Variants in FGF18 observed in about 807,000 individuals in gnomAD.
FGF18 encodes fibroblast growth factor 18.
FGF18 carries 5 observed loss-of-function variants against 23.0 expected under a neutral mutation model. The ratio of observed to expected loss-of-function variants is 0.22; its 90% CI spans 0.11 to 0.46. FGF18 has a LOEUF of 0.46. Ranked by LOEUF, FGF18 falls within the 20% of genes least tolerant of loss-of-function variation. The pLI, the probability that FGF18 is intolerant of heterozygous loss-of-function variation, is 0.99. For synonymous variants in FGF18, 117 were observed against 118.9 expected (o/e 0.98, Z 0.10); for missense variants, 180 against 291.6 (o/e 0.62, Z 2.79).
chr5:171,436,278 G>A lies in FGF18; in HGVS notation c.250+5G>A. The A allele has an allele frequency of 6.4e-7, 1 of 1,551,850 alleles. No homozygotes were observed. Among genetic ancestry groups the A allele is most frequent in the Non-Finnish European group, 8.7e-7 (1 of 1,144,328 alleles). On this transcript the variant is annotated splice_donor_5th_base_variant and intron_variant, in intron 3 of 4. Coordinates refer to ENST00000274625, the MANE Select transcript of FGF18 (RefSeq NM_003862.3). The surrounding 1 kb of genome is among the most constrained non-coding windows in gnomAD (Gnocchi z 4.4). ...GCGAGGATGGGGACAAGTATGGTAT[G>A]TGCCAACCCTCTCCTCCTACTCCGT...
chr5:171,437,847 G>A (rs912636193), intron 3 of FGF18, among the ~76,000 whole-genome samples: 5 of 152,126 alleles, frequency 3.3e-5, no homozygotes, highest in African/African-American at 4.8e-5. Flanking sequence ...GAGTACAGGG[G>A]GGTCAGACTC....
rs183808428 is a variant in FGF18, at chr5:171,445,520, G to A, written c.251-3627G>A. 8.7e-4 allele frequency among the ~76,000 whole-genome samples: 130 copies of A among 149,414 alleles called. 1 individual carries two copies. The highest frequency in any genetic ancestry group is 3.0e-3 in the African/African-American group (122 of 41,114). On this transcript the variant is annotated intron_variant, in intron 3 of 4. Transcript: ENST00000274625. ...ACTACAGGTGTGCGCCACAATGCCC[G>A]GCTAATTTTTGTGGTTTTTTTTTTT...
chr5:171,423,293 A>T (rs1772044550), intron 2 of FGF18, among the ~76,000 whole-genome samples: 1 of 152,232 alleles, frequency 6.6e-6, no homozygotes, highest in South Asian at 2.1e-4. Flanking sequence ...CACCGTAGAT[A>T]GCTCAAATTG....
rs749067839 is a variant in FGF18 at position 171,456,631 on chromosome 5, C to T, written c.450C>T (p.Tyr150=). ...TGTCGGCTAAGTACTCCGGCTGGTA[C>T]GTGGGCTTCACCAAGAAGGGGCGGC... ...ALMSAKYSGW[Y]VGFTKKGRPR... is the part of the protein sequence containing the mutation. The change falls in exon 5 of 5, where the codon TAC becomes TAT. Residue 150 remains tyrosine (Y), a synonymous_variant. Transcript: ENST00000274625. This position sits in a 1 kb window ranked among gnomAD's most constrained non-coding sequence, Gnocchi z 6.1. 33 of 1,614,076 alleles carry T rather than the reference C, an allele frequency of 2.0e-5. No individual in the cohort carries two copies. The East Asian group carries it at 3.3e-4, about 16-fold the overall frequency.
intron 3 of FGF18, among the ~76,000 whole-genome samples, chr5:171,446,783 A>G (rs903688304): frequency 3.9e-5 from 6 of 152,036 alleles, no homozygotes; most frequent in African/African-American, 1.5e-4. Flanking sequence ...TGGCTTACTC[A>G]AGGTCACATA....
At chr5:171,423,376 T>C (rs1772045675) in intron 2 of FGF18, among the ~76,000 whole-genome samples, 1 of 152,236 alleles carries the variant, frequency 6.6e-6, no homozygotes, top group South Asian at 2.1e-4. Context: ...TTGGCTGAGC[T>C]CTGACAATGA....
chr5:171,433,813 A>G (rs1266827833), intron 2 of FGF18, among the ~76,000 whole-genome samples: 2 of 152,186 alleles, frequency 1.3e-5, no homozygotes, highest in African/African-American at 2.4e-5. Flanking sequence ...ATCAAAAGCA[A>G]TAGCATCTTC....
At chr5:171,453,435 G>A (rs907863219) in intron 4 of FGF18, among the ~76,000 whole-genome samples, 4 of 152,154 alleles carry the variant, frequency 2.6e-5, no homozygotes, top group African/African-American at 9.7e-5. Flanking sequence ...CCAAAACCTC[G>A]CTTTGTGCCA....
chr5:171,426,263 A>G (rs978445414), intron 2 of FGF18, among the ~76,000 whole-genome samples: 5 of 152,030 alleles, frequency 3.3e-5, no homozygotes, highest in Non-Finnish European at 7.4e-5. Flanking sequence ...CCCCCATCAG[A>G]TATAGAGTCC....
intron 4 of FGF18, 107 bp downstream of exon 4, chr5:171,449,360 CGTGTGT>C (rs56932885): frequency 1.1e-4 from 21 of 187,224 alleles, no homozygotes; most frequent in African/African-American, 3.0e-4. Flanking sequence ...GAAAACAGGC[CGTGTGT>C]GTGTGTGTGT....
At chr5:171,431,508 C>T (rs1419052808) in intron 2 of FGF18, among the ~76,000 whole-genome samples, 1 of 152,232 alleles carries the variant, frequency 6.6e-6, no homozygotes. Context: ...CTTGGGGCCT[C>T]GTTGCCTCTG....
intron 3 of FGF18, among the ~76,000 whole-genome samples, chr5:171,438,960 A>G (rs1772294998): frequency 6.6e-6 from 1 of 152,100 alleles, no homozygotes. Context: ...GAATGATGCA[A>G]TCTGAGATGT....
chr5:171,436,405 T>A lies in FGF18; in HGVS notation c.250+132T>A. ...TCTTGGACCTGGCACTGACCCTTTCTGGGTCTGTTTCCTGATCTATAAAAT... is the reference window on the plus strand; with the variant it reads ...TCTTGGACCTGGCACTGACCCTTTCAGGGTCTGTTTCCTGATCTATAAAAT... On this transcript the variant is annotated intron_variant, in intron 3 of 4. Coordinates refer to ENST00000274625, the MANE Select transcript of FGF18 (RefSeq NM_003862.3). This position sits in a 1 kb window ranked among gnomAD's most constrained non-coding sequence, Gnocchi z 4.4. 1.6e-6 allele frequency: 1 copy of A among 628,924 alleles called. No individual in the cohort carries two copies. Among genetic ancestry groups the A allele is most frequent in the Non-Finnish European group, 2.5e-6 (1 of 403,788 alleles). The allele number at this position is 628,924 out of a possible 1,614,324, so 39.0% of individuals were successfully genotyped here. A position where few individuals can be genotyped will look rare whatever the true frequency, so the allele number is the denominator to read the frequency against.
intron 2 of FGF18, among the ~76,000 whole-genome samples, chr5:171,429,323 G>C (rs527973765): frequency 1.3e-5 from 2 of 152,378 alleles, no homozygotes; most frequent in African/African-American, 4.8e-5. Context: ...CACAGGGATA[G>C]TAATAGTTTC....
chr5:171,428,982 C>T (rs1772138862), intron 2 of FGF18, among the ~76,000 whole-genome samples: 1 of 152,212 alleles, frequency 6.6e-6, no homozygotes, highest in Non-Finnish European at 1.5e-5. Context: ...ATGGCTCAAC[C>T]CTGCCAATCA....
At chr5:171,443,500 C>CCTTTTTTTTTTT (rs766926286) in intron 3 of FGF18, among the ~76,000 whole-genome samples, 1 of 70,416 alleles carries the variant, frequency 1.4e-5, no homozygotes, top group African/African-American at 4.2e-5. Flanking sequence ...CTGTTATCAT[C>CCTTTTTTTTTTT]ATTTTTTTTT....
At position 171,436,880 on chromosome 5, in the gene FGF18, A is replaced by G. The variant is rs1772254941; in HGVS notation, c.250+607A>G. Among the ~76,000 whole-genome samples, 1 of 152,190 alleles carries G rather than the reference A, an allele frequency of 6.6e-6. No individual in the cohort carries two copies. Among genetic ancestry groups the G allele is most frequent in the South Asian group, 2.1e-4 (1 of 4,830 alleles). ...GCCTCTGCAATGGCTGGGAGGAGTG[A>G]GACATCCCAAGCCCCTGGTCCACAA... On this transcript the variant is annotated intron_variant, in intron 3 of 4. Coordinates refer to ENST00000274625, the MANE Select transcript of FGF18 (RefSeq NM_003862.3). The surrounding 1 kb of genome is among the most constrained non-coding windows in gnomAD (Gnocchi z 4.4).
chr5:171,423,414 G>A (rs565004009), intron 2 of FGF18, among the ~76,000 whole-genome samples: 7 of 152,282 alleles, frequency 4.6e-5, no homozygotes, highest in East Asian at 1.9e-4. Context: ...CACGCAGCTC[G>A]GCCGGCACCT....
intron 2 of FGF18, 128 bp downstream of exon 2, chr5:171,420,571 C>T (rs1581267683): frequency 1.1e-6 from 1 of 910,394 alleles, no homozygotes; most frequent in Admixed American, 2.1e-5. Context: ...GCACCTGTTC[C>T]CAGGGCGCGG....
Sources: allele counts gnomAD v4.1 joint callset (sites outside exome capture counted in the v4.1 genomes callset), GRCh38; gene constraint gnomAD v4.1.1; non-coding constraint Gnocchi (gnomAD v3.1); transcripts MANE v1.5; gene names NCBI Gene and HGNC (gene_info 2026-07-23, HGNC 2026-07-21).